The following TMEM178B variants were observed in gnomAD, a reference collection of about 807,000 sequenced individuals.
The protein encoded by TMEM178B is transmembrane protein 178B.
A neutral mutation model predicts 31.0 loss-of-function variants in TMEM178B; 5 were observed. That is an observed-to-expected ratio of 0.16 (90% confidence interval 0.08 to 0.34). TMEM178B has a LOEUF of 0.34. Among genes scored for constraint, TMEM178B ranks in the 10% least tolerant of loss-of-function variants. TMEM178B has a pLI of 1.00. For synonymous variants in TMEM178B, 164 were observed against 164.0 expected (o/e 1.00, Z 0.00); for missense variants, 275 against 400.3 (o/e 0.69, Z 2.67).
chr7:141,075,258 A>G (rs1387582645), intron 1 of TMEM178B, among the ~76,000 whole-genome samples: 3 of 152,206 alleles, frequency 2.0e-5, no homozygotes, highest in Non-Finnish European at 4.4e-5. Context: ...CAGCAGCATC[A>G]TATCACAATT....
At chr7:141,089,389 G>T (rs1417991341) in intron 1 of TMEM178B, among the ~76,000 whole-genome samples, 1 of 152,194 alleles carries the variant, frequency 6.6e-6, no homozygotes, top group Non-Finnish European at 1.5e-5. Flanking sequence ...GGGATAAATA[G>T]GAACACTTTT....
chr7:141,241,084 G>A (rs1797610648), intron 2 of TMEM178B, among the ~76,000 whole-genome samples: 1 of 150,682 alleles, frequency 6.6e-6, no homozygotes, highest in African/African-American at 2.4e-5. Flanking sequence ...CTGTAGTGGT[G>A]AACTCTGGGA....
chr7:141,192,505 T>C (rs1796713328), intron 1 of TMEM178B, among the ~76,000 whole-genome samples: 1 of 120,128 alleles, frequency 8.3e-6, no homozygotes, highest in African/African-American at 3.3e-5. Context: ...TTTTTTTTTT[T>C]TGAGACAGAG....
Position 141,139,098 on chromosome 7 carries a change from T to C in TMEM178B, c.382+64406T>C, listed in dbSNP as rs557853659. Among the ~76,000 whole-genome samples the C allele has an allele frequency of 2.6e-5, 4 of 152,328 alleles. No homozygotes were observed. The East Asian group carries it at 7.7e-4, about 29-fold the overall frequency. Reference sequence around the variant, plus strand: ...TTTTTCTCAGAGATATAAAAAATTATGGACGCCAAAGTTAAACTTTATCTT... The same window carrying C: ...TTTTTCTCAGAGATATAAAAAATTACGGACGCCAAAGTTAAACTTTATCTT... On this transcript the variant is annotated intron_variant, in intron 1 of 3. Transcript: ENST00000565468.
chr7:141,113,954 A>G (rs1342561793), intron 1 of TMEM178B, among the ~76,000 whole-genome samples: 2 of 152,244 alleles, frequency 1.3e-5, no homozygotes, highest in Non-Finnish European at 2.9e-5. Context: ...AATCTAACAT[A>G]GTGGTTATCT....
At chr7:141,086,589 A>T (rs1794792087) in intron 1 of TMEM178B, among the ~76,000 whole-genome samples, 1 of 152,212 alleles carries the variant, frequency 6.6e-6, no homozygotes, top group Non-Finnish European at 1.5e-5. Context: ...AAAAATATGC[A>T]TGAGACTAAT....
At chr7:141,268,496 G>A (rs987452502) in intron 2 of TMEM178B, among the ~76,000 whole-genome samples, 8 of 152,220 alleles carry the variant, frequency 5.3e-5, no homozygotes, top group African/African-American at 9.6e-5. Context: ...AAGAGTACCC[G>A]TGATTAACCA....
At chr7:141,432,157 T>C (rs1265605976) in intron 2 of TMEM178B, among the ~76,000 whole-genome samples, 3 of 76,836 alleles carry the variant, frequency 3.9e-5, no homozygotes, top group Non-Finnish European at 7.9e-5. Context: ...TTTTTTTTTT[T>C]TTTTTTTTTT....
chr7:141,389,611 A>G (rs947175060), intron 2 of TMEM178B, among the ~76,000 whole-genome samples: 3 of 152,198 alleles, frequency 2.0e-5, no homozygotes, highest in African/African-American at 7.2e-5. Flanking sequence ...TAGTGCACCA[A>G]CTATGCAGCT....
chr7:141,418,687 C>T (rs908848390), intron 2 of TMEM178B, among the ~76,000 whole-genome samples: 3 of 152,136 alleles, frequency 2.0e-5, no homozygotes, highest in Non-Finnish European at 2.9e-5. Flanking sequence ...CTTATCTTCT[C>T]ACTTTATGTT....
chr7:141,418,850 C>T (rs566185193), intron 2 of TMEM178B, among the ~76,000 whole-genome samples: 7 of 152,290 alleles, frequency 4.6e-5, no homozygotes, highest in East Asian at 1.9e-4. Flanking sequence ...AGGCACTTAA[C>T]GAATTAAACT....
intron 2 of TMEM178B, among the ~76,000 whole-genome samples, chr7:141,369,807 C>A (rs1173488580): frequency 6.6e-6 from 1 of 152,112 alleles, no homozygotes; most frequent in African/African-American, 2.4e-5. Context: ...TTTTTCAACA[C>A]AACTTTTAAA....
intron 2 of TMEM178B, among the ~76,000 whole-genome samples, chr7:141,359,783 G>T (rs569916295): frequency 6.6e-6 from 1 of 152,256 alleles, no homozygotes; most frequent in East Asian, 1.9e-4. Flanking sequence ...TGCTGATAAA[G>T]ACATACCAGA....
At chr7:141,330,084 CTT>C (rs58460032) in intron 2 of TMEM178B, among the ~76,000 whole-genome samples, 2 of 146,988 alleles carry the variant, frequency 1.4e-5, no homozygotes, top group African/African-American at 5.0e-5. Flanking sequence ...TATTGAAGGG[CTT>C]TTTTTTTTGG....
intron 1 of TMEM178B, among the ~76,000 whole-genome samples, chr7:141,085,609 CTT>C (rs1302921489): frequency 6.6e-6 from 1 of 151,422 alleles, no homozygotes; most frequent in Non-Finnish European, 1.5e-5. Flanking sequence ...CTGTTGGACA[CTT>C]TATTTGCTCT....
intron 2 of TMEM178B, among the ~76,000 whole-genome samples, chr7:141,391,079 G>A (rs754800702): frequency 3.9e-5 from 6 of 152,146 alleles, no homozygotes; most frequent in Non-Finnish European, 7.4e-5. Context: ...TGGCCAAAGA[G>A]GCTGGGCAGG....
At chr7:141,146,493 A>G (rs150882548) in intron 1 of TMEM178B, among the ~76,000 whole-genome samples, 2 of 152,282 alleles carry the variant, frequency 1.3e-5, no homozygotes, top group East Asian at 3.9e-4. Context: ...ATATTACCTA[A>G]CTTTCCTGCA....
rs528134571 is a variant in TMEM178B, at chr7:141,247,279, CAGATAT to C, written c.496+34580_496+34585del. ...GTAGATATAGATATTTATATATACA[CAGATAT>C]AGATGTAGATAATTCTTTATATACA... On this transcript the variant is annotated intron_variant, in intron 2 of 3. Coordinates refer to ENST00000565468, the MANE Select transcript of TMEM178B (RefSeq NM_001195278.2). 4.1e-3 allele frequency among the ~76,000 whole-genome samples: 621 copies of C among 152,130 alleles called. 11 individuals are homozygous for C. The highest frequency in any genetic ancestry group is 0.014 in the African/African-American group (574 of 41,486).
intron 2 of TMEM178B, among the ~76,000 whole-genome samples, chr7:141,265,030 A>C (rs1003436586): frequency 7.2e-5 from 11 of 152,218 alleles, no homozygotes; most frequent in Admixed American, 6.5e-4. Context: ...TGTGAAAATT[A>C]AGCTTTTGAG....
Sources: gnomAD v4.1 joint callset for allele counts (sites outside exome capture counted in the v4.1 genomes callset) on GRCh38, gnomAD v4.1.1 for gene constraint, MANE v1.5 for transcripts, NCBI Gene and HGNC (gene_info 2026-07-23, HGNC 2026-07-21) for gene names.